The following TUBGCP3 variants were observed in gnomAD, a reference collection of about 807,000 sequenced individuals.
The protein encoded by TUBGCP3 is tubulin gamma complex component 3, also known as gamma-tubulin complex component 3.
TUBGCP3 carries 50 observed loss-of-function variants against 123.1 expected under a neutral mutation model. The ratio of observed to expected loss-of-function variants is 0.41; its 90% confidence interval spans 0.32 to 0.51. The LOEUF (loss-of-function observed/expected upper bound fraction) is 0.51, where lower values mean the gene tolerates loss of function less well. Ranked by LOEUF, TUBGCP3 falls within the 20% of genes least tolerant of loss-of-function variation. The probability of loss-of-function intolerance (pLI) is 0.36; values close to 1 mark genes in which losing one functional copy is unlikely to be tolerated. For missense variants in TUBGCP3, 882 were observed against 1,127.0 expected (o/e 0.78, Z 3.11); for synonymous variants, 405 against 413.9 (o/e 0.98, Z 0.26).
At chr13:112,597,556 T>A in the TUBGCP3 span, among the ~76,000 whole-genome samples, 1 of 152,026 alleles carries the variant, frequency 6.6e-6, no homozygotes, top group Non-Finnish European at 1.5e-5. Context: ...CAATGCACTA[T>A]GAATAAGATG....
intron 19 of TUBGCP3, 38 bp downstream of exon 19, chr13:112,503,993 TC>T (rs779744188): frequency 3.6e-5 from 56 of 1,560,798 alleles, no homozygotes; most frequent in Non-Finnish European, 4.6e-5. Flanking sequence ...AGAAGATGAT[TC>T]TTTTGGTTTC....
upstream of TUBGCP3, among the ~76,000 whole-genome samples, chr13:112,592,862 C>T (rs1057112016): frequency 1.6e-4 from 24 of 152,206 alleles, no homozygotes; most frequent in African/African-American, 7.2e-5. This position sits in a 1 kb window ranked among gnomAD's most constrained non-coding sequence, Gnocchi z 4.1. Context: ...TGTCATCACC[C>T]GTGGTCAGAC....
the TUBGCP3 span, among the ~76,000 whole-genome samples, chr13:112,599,525 T>C: frequency 2.4e-4 from 37 of 152,138 alleles, no homozygotes; most frequent in Non-Finnish European, 3.7e-4. Context: ...TTTTTTCTTA[T>C]AGACGGAGTC....
chr13:112,544,367 G>A (rs1019931708), intron 11 of TUBGCP3, among the ~76,000 whole-genome samples: 3 of 150,806 alleles, frequency 2.0e-5, no homozygotes, highest in African/African-American at 7.3e-5. Context: ...GCAGGAGAAT[G>A]GCGTGAACAT....
upstream of TUBGCP3, among the ~76,000 whole-genome samples, chr13:112,592,966 AAAAG>A (rs1179443558): frequency 1.3e-5 from 2 of 152,252 alleles, no homozygotes; most frequent in Non-Finnish European, 2.9e-5. This position sits in a 1 kb window ranked among gnomAD's most constrained non-coding sequence, Gnocchi z 4.1. Flanking sequence ...CTAGTTTCGA[AAAAG>A]AAAGAAACAT....
chr13:112,485,810 T>C lies in TUBGCP3; in HGVS notation c.*183A>G. The C allele has an allele frequency of 1.5e-6, 1 of 664,306 alleles. No homozygotes were observed. Among genetic ancestry groups the C allele is most frequent in the Non-Finnish European group, 2.5e-6 (1 of 396,818 alleles). 41.2% of individuals were successfully genotyped at this position (664,306 alleles called of 1,614,324 possible). On this transcript the variant is annotated 3_prime_UTR_variant, in exon 22 of 22. Coordinates refer to ENST00000261965, the MANE Select transcript of TUBGCP3 (RefSeq NM_006322.6). ...TTGACTTAGGGATTTACAAATGCATTCGACTCCGACATGTGAAACACGACG... is the reference window on the plus strand; with the variant it reads ...TTGACTTAGGGATTTACAAATGCATCCGACTCCGACATGTGAAACACGACG...
At position 112,502,855 on chromosome 13, in the gene TUBGCP3, TTTAATTA is replaced by T. The variant is rs575553969; in HGVS notation, c.2307+1170_2307+1176del. On this transcript the variant is annotated intron_variant, in intron 19 of 21. Coordinates refer to ENST00000261965, the MANE Select transcript of TUBGCP3 (RefSeq NM_006322.6). ...CCACTGCCCCCGGCCTGTATATTTC[TTTAATTA>T]TTAATTATCCTCAAAGTATTTTAAA... 3.3e-3 allele frequency among the ~76,000 whole-genome samples: 510 copies of T among 152,288 alleles called. 1 individual carries two copies. The highest frequency in any genetic ancestry group is 0.012 in the African/African-American group (492 of 41,558).
At chr13:112,562,461 T>C (rs1880592052) in intron 3 of TUBGCP3, among the ~76,000 whole-genome samples, 1 of 152,186 alleles carries the variant, frequency 6.6e-6, no homozygotes, top group Admixed American at 6.5e-5. Flanking sequence ...GCTACGCCAC[T>C]GACAAACAGC....
intron 19 of TUBGCP3, among the ~76,000 whole-genome samples, chr13:112,500,874 A>C (rs1880858484): frequency 6.6e-6 from 1 of 152,260 alleles, no homozygotes; most frequent in Non-Finnish European, 1.5e-5. Flanking sequence ...TCGGTTCAAA[A>C]TTCATTTGCT....
chr13:112,532,014 G>A (rs992299122), intron 11 of TUBGCP3, among the ~76,000 whole-genome samples: 2 of 152,120 alleles, frequency 1.3e-5, no homozygotes, highest in Admixed American at 6.5e-5. Context: ...CAGAAATGAA[G>A]AGGGTAATTT....
intron 3 of TUBGCP3, among the ~76,000 whole-genome samples, chr13:112,564,456 G>A (rs917843613): frequency 2.0e-5 from 3 of 152,220 alleles, no homozygotes; most frequent in African/African-American, 7.2e-5. Context: ...TTTATAGTCA[G>A]AAATCAGAAA....
intron 11 of TUBGCP3, among the ~76,000 whole-genome samples, chr13:112,533,206 T>C (rs556715880): frequency 2.6e-5 from 4 of 152,194 alleles, no homozygotes; most frequent in African/African-American, 4.8e-5. Flanking sequence ...CCCCGAGGAA[T>C]AGCAGTAGGC....
At chr13:112,595,220 A>G in the TUBGCP3 span, among the ~76,000 whole-genome samples, 52,704 of 150,950 alleles carry the variant, frequency 0.35, 10,404 homozygotes, top group African/African-American at 0.54. Flanking sequence ...TTTTTGAGAC[A>G]GAGTCTCGCT....
chr13:112,599,300 G>A, the TUBGCP3 span, among the ~76,000 whole-genome samples: 1,825 of 152,092 alleles, frequency 0.012, 36 homozygotes, highest in African/African-American at 0.041. Context: ...AAGTCATTAC[G>A]CAGCACACAC....
the TUBGCP3 span, among the ~76,000 whole-genome samples, chr13:112,596,424 T>A: frequency 6.6e-6 from 1 of 152,238 alleles, no homozygotes; most frequent in Non-Finnish European, 1.5e-5. Context: ...GTTGTGCCAC[T>A]TCCTTCTGGC....
At chr13:112,499,388 C>T (rs1400693701) in intron 19 of TUBGCP3, among the ~76,000 whole-genome samples, 6 of 152,236 alleles carry the variant, frequency 3.9e-5, no homozygotes, top group South Asian at 4.1e-4. Context: ...ACCAGCAAAA[C>T]GTGACCATCC....
At chr13:112,584,246 C>T (rs564331760) in intron 1 of TUBGCP3, 41 of 152,306 alleles carry the variant, frequency 2.7e-4, no homozygotes, top group African/African-American at 8.7e-4. Context: ...CGATTGAGAA[C>T]TCCAAAAAGC....
At chr13:112,530,660 T>A (rs551731881) in intron 11 of TUBGCP3, among the ~76,000 whole-genome samples, 1,958 of 152,296 alleles carry the variant, frequency 0.013, 45 homozygotes, top group African/African-American at 0.043. Flanking sequence ...CCCCTCGTAA[T>A]CCATGGGACG....
chr13:112,586,542 T>C (rs1258629854), intron 1 of TUBGCP3, among the ~76,000 whole-genome samples: 3 of 152,210 alleles, frequency 2.0e-5, no homozygotes, highest in Non-Finnish European at 4.4e-5. Flanking sequence ...TTCCACTGGT[T>C]CTCTCTACTC....
Sources: gnomAD v4.1 joint callset for allele counts (sites outside exome capture counted in the v4.1 genomes callset) on GRCh38, gnomAD v4.1.1 for gene constraint, Gnocchi (gnomAD v3.1) non-coding constraint, MANE v1.5 for transcripts, NCBI Gene and HGNC (gene_info 2026-07-23, HGNC 2026-07-21) for gene names.